ALOXE3: variants seen among roughly 807,000 people sequenced by gnomAD.
The protein encoded by ALOXE3 is hydroperoxide isomerase ALOXE3.
Under a neutral mutation model 87.5 loss-of-function variants are expected in ALOXE3, and 78 were observed. The ratio of observed to expected loss-of-function variants is 0.89; its 90% CI spans 0.74 to 1.08. The LOEUF is 1.08. Ranked by LOEUF, ALOXE3 falls within the 50% of genes least tolerant of loss-of-function variation. The pLI is 0.00. For synonymous variants in ALOXE3, 363 were observed against 370.8 expected (o/e 0.98, Z 0.24); for missense variants, 946 against 912.4 (o/e 1.04, Z -0.47).
At chr17:8,108,649 A>G in intron 12 of ALOXE3, 60 bp from the exon 13 acceptor site, 1 of 1,590,016 alleles carries the variant, frequency 6.3e-7, no homozygotes, top group South Asian at 1.1e-5. Flanking sequence ...TGGCCAGGAA[A>G]CCGAGGCCCA....
chr17:8,118,827 C>T (rs1158015668), upstream of ALOXE3: 2 of 1,536,086 alleles, frequency 1.3e-6, no homozygotes, highest in East Asian at 2.4e-5. Context: ...TGGGCGGGAG[C>T]CCAGGTGTCC....
chr17:8,111,250 G>A (rs1418061318), intron 8 of ALOXE3, 109 bp downstream of exon 8: 4 of 1,376,734 alleles, frequency 2.9e-6, no homozygotes, highest in Non-Finnish European at 3.1e-6. Flanking sequence ...AGGCCCACAG[G>A]TGAAATGCAG....
In ALOXE3 at chr17:8,115,807, C is replaced by T. The variant is rs3027218; in HGVS notation, c.353-119G>A. 271,196 of 970,514 alleles carry T rather than the reference C, an allele frequency of 0.28. 42,462 individuals carry two copies. The highest frequency in any genetic ancestry group is 0.5 in the Admixed American group (27,859 of 55,206). 60.1% of individuals were successfully genotyped at this position (970,514 alleles called of 1,614,324 possible). Reference sequence around the variant, plus strand: ...CCGACAGCCACATCCCTGTGAAACACGTGGCGGTGCCCCCACGTTCTTTGT... The same window carrying T: ...CCGACAGCCACATCCCTGTGAAACATGTGGCGGTGCCCCCACGTTCTTTGT... On this transcript the variant is annotated intron_variant, in intron 3 of 15. Transcript: ENST00000448843.
intron 13 of ALOXE3, among the ~76,000 whole-genome samples, chr17:8,106,601 CTA>C (rs1979330350): frequency 6.6e-6 from 1 of 152,140 alleles, no homozygotes; most frequent in South Asian, 2.1e-4. Flanking sequence ...TTCATATTGC[CTA>C]TTTTTCCCCC....
In ALOXE3 at chr17:8,118,185, C is replaced by A. The variant is rs1460158255; in HGVS notation, c.-195G>T. ...TTCTCTCTCCGAAGCTCCCTGCTGGCGGCTCGGGCTTCCTCTCTCCGCCCA... is the reference window on the plus strand; with the variant it reads ...TTCTCTCTCCGAAGCTCCCTGCTGGAGGCTCGGGCTTCCTCTCTCCGCCCA... On this transcript the variant is annotated 5_prime_UTR_variant, in exon 2 of 16. Coordinates refer to ENST00000448843, the MANE Select transcript of ALOXE3 (RefSeq NM_021628.3). 1 of 1,551,436 alleles carries A rather than the reference C, an allele frequency of 6.4e-7. No individual in the cohort carries two copies. Among genetic ancestry groups the A allele is most frequent in the African/African-American group, 1.4e-5 (1 of 73,004 alleles).
chr17:8,105,681 T>C (rs1294123725), intron 13 of ALOXE3, among the ~76,000 whole-genome samples: 1 of 151,918 alleles, frequency 6.6e-6, no homozygotes, highest in Non-Finnish European at 1.5e-5. Context: ...GGTGGGAGGA[T>C]TGCTCAAGCC....
rs1484336819 is a variant in ALOXE3, at chr17:8,096,724, G to A, written c.2039C>T (p.Ala680Val). The part of the protein sequence containing the change: ...RSIAAFQSRL[A>V]QISRDIQERN... ...CTCCTGGATGTCCCTTGAGATCTGG[G>A]CCAGGCGGCTCTGGAAGGCGGCGAT... Residue 680 changes from alanine (A) to valine (V), a missense_variant, in exon 16 of 16, where the codon GCC becomes GTC. Physicochemically the swap from Ala to Val is moderately conservative, Grantham distance 64 (BLOSUM62 0). Transcript: ENST00000448843. The A allele has an allele frequency of 6.2e-7, 1 of 1,613,780 alleles. No homozygotes were observed. Among genetic ancestry groups the A allele is most frequent in the Non-Finnish European group, 8.5e-7 (1 of 1,179,654 alleles).
chr17:8,105,105 C>T (rs191932113), intron 13 of ALOXE3, among the ~76,000 whole-genome samples: 1 of 152,222 alleles, frequency 6.6e-6, no homozygotes, highest in African/African-American at 2.4e-5. Flanking sequence ...TTACGTCACC[C>T]CTCGCTAAAA....
rs145113596 is a variant in ALOXE3, at chr17:8,115,017, C to T, written c.475G>A (p.Val159Ile). Residue 159 changes from valine to isoleucine, a missense_variant, in exon 5 of 16, where the codon GTC (valine) becomes ATC (isoleucine). Physicochemically the swap from Val to Ile is conservative, Grantham distance 29 (BLOSUM62 3). Transcript: ENST00000448843. ...GACTCCATCTCCTGAAAGCTGTTGA[C>T]GTCTACCATGCAGGGGAAGCCAGGG... ...YAPGFPCMVD[V>I]NSFQEMESDK... is the part of the protein sequence containing the mutation. 9.3e-6 allele frequency: 15 copies of T among 1,613,996 alleles called. No individual in the cohort carries two copies. The highest frequency in any genetic ancestry group is 3.3e-5 in the South Asian group (3 of 91,086).
In ALOXE3 at chr17:8,113,390, C is replaced by T. The variant is rs189657764; in HGVS notation, c.680+1094G>A. 1.9e-3 allele frequency among the ~76,000 whole-genome samples: 292 copies of T among 152,318 alleles called. 1 individual carries two copies. Among genetic ancestry groups the T allele is most frequent in the Middle Eastern group, 0.01 (3 of 294 alleles). Reference sequence around the variant, plus strand: ...AATGGAGGCCAGATGCGGTGGCTCACGCCTATAATCCCAGCACTTTGGGAG... The same window carrying T: ...AATGGAGGCCAGATGCGGTGGCTCATGCCTATAATCCCAGCACTTTGGGAG... On this transcript the variant is annotated intron_variant, in intron 6 of 15. Coordinates refer to ENST00000448843, the MANE Select transcript of ALOXE3 (RefSeq NM_021628.3).
At chr17:8,114,025 CAAAAAAAAA>C (rs59622826) in intron 6 of ALOXE3, among the ~76,000 whole-genome samples, 2 of 90,288 alleles carry the variant, frequency 2.2e-5, no homozygotes, top group African/African-American at 4.0e-5. Flanking sequence ...AACTCCGTCT[CAAAAAAAAA>C]AAAAAAAAGT....
intron 13 of ALOXE3, among the ~76,000 whole-genome samples, chr17:8,106,834 G>C (rs567498682): frequency 2.0e-5 from 3 of 152,270 alleles, no homozygotes; most frequent in South Asian, 2.1e-4. Context: ...TGAAAGAGCT[G>C]TTGTCAATCT....
chr17:8,103,260 C>A, intron 15 of ALOXE3, 63 bp downstream of exon 15: 2 of 1,592,024 alleles, frequency 1.3e-6, no homozygotes, highest in Non-Finnish European at 1.7e-6. Context: ...CCAGACGAAG[C>A]CACCACCACC....
chr17:8,116,117 T>C (rs989111982), intron 3 of ALOXE3, among the ~76,000 whole-genome samples: 1 of 152,232 alleles, frequency 6.6e-6, no homozygotes, highest in Non-Finnish European at 1.5e-5. Context: ...GTGAGGTCTA[T>C]GGAAAACTTA....
At position 8,111,407 on chromosome 17, in the gene ALOXE3, C is replaced by G; in HGVS notation, c.909G>C (p.Met303Ile). The G allele has an allele frequency of 6.2e-7, 1 of 1,613,996 alleles. No homozygotes were observed. The highest frequency in any genetic ancestry group is 8.5e-7 in the Non-Finnish European group (1 of 1,180,038). Residue 303 changes from methionine to isoleucine, a missense_variant, in exon 8 of 16, where the codon ATG (methionine) becomes ATC (isoleucine). Transcript: ENST00000448843. ...TGTCCTGTCCCAGCAAGGGGGCCAC[C>G]ATGTCATTGGTGACAGGCAGCTTGC... ...LPSKLPVTND[M>I]VAPLLGQDTC...
intron 13 of ALOXE3, among the ~76,000 whole-genome samples, chr17:8,107,832 A>G (rs1979472093): frequency 3.2e-4 from 2 of 6,300 alleles, no homozygotes; most frequent in South Asian, 6.4e-3. Flanking sequence ...AAAGAAAGAA[A>G]GAAAGAAAGA....
At position 8,107,142 on chromosome 17, in the gene ALOXE3, C is replaced by T. The variant is rs576262356; in HGVS notation, c.1684+1326G>A. Among the ~76,000 whole-genome samples the T allele has an allele frequency of 1.6e-4, 24 of 152,264 alleles. No homozygotes were observed. In the South Asian group the frequency reaches 4.8e-3, roughly 30 times the overall value. On this transcript the variant is annotated intron_variant, in intron 13 of 15. Coordinates refer to ENST00000448843, the MANE Select transcript of ALOXE3 (RefSeq NM_021628.3). ...AGACACCCCAAATATGAAACAACTG[C>T]CCAAGGAGGGAGGAGCTGTCAGGAT...
Position 8,115,513 on chromosome 17 carries a change from C to T in ALOXE3, c.434+94G>A, listed in dbSNP as rs1331100864. ...AGAGTCCTGATCCAAGCTAGGCACC[C>T]AAGGTTGAGAATGAGGTTAGAGTTA... is the stretch of plus-strand genomic sequence containing the variant. On this transcript the variant is annotated intron_variant, in intron 4 of 15. Transcript: ENST00000448843. 2.2e-6 allele frequency: 3 copies of T among 1,341,136 alleles called. No homozygotes were observed. In the Admixed American group the frequency reaches 5.5e-5, roughly 25 times the overall value. 83.1% of individuals were successfully genotyped at this position (1,341,136 alleles called of 1,614,324 possible). A position where few individuals can be genotyped will look rare whatever the true frequency, so the allele number is the denominator to read the frequency against.
chr17:8,109,855 C>A lies in ALOXE3; in HGVS notation c.1392+61G>T, dbSNP rs1259516567. ...TTGGGCGCAGAACAGGGCTTGGGGGCGGGTAGCGGGGCAAAGCGTCTTCGG... is the reference window on the plus strand; with the variant it reads ...TTGGGCGCAGAACAGGGCTTGGGGGAGGGTAGCGGGGCAAAGCGTCTTCGG... On this transcript the variant is annotated intron_variant, in intron 11 of 15. Transcript: ENST00000448843. The A allele has an allele frequency of 2.7e-6, 4 of 1,484,730 alleles. No homozygotes were observed. The African/African-American group carries it at 4.2e-5, about 16-fold the overall frequency. The allele number at this position is 1,484,730 out of a possible 1,614,324, so 92.0% of individuals were successfully genotyped here.
Sources: gnomAD v4.1 joint callset for allele counts (sites outside exome capture counted in the v4.1 genomes callset) on GRCh38, gnomAD v4.1.1 for gene constraint, MANE v1.5 for transcripts, NCBI Gene and HGNC (gene_info 2026-07-23, HGNC 2026-07-21) for gene names.